KSR2: variants seen among roughly 807,000 people sequenced by gnomAD.
KSR2 encodes kinase suppressor of ras 2.
In KSR2, 25 loss-of-function variants were observed where a neutral mutation model predicts 107.8. The ratio of observed to expected loss-of-function variants is 0.23; its 90% CI spans 0.17 to 0.32. The LOEUF (loss-of-function observed/expected upper bound fraction) is 0.32, where lower values mean the gene tolerates loss of function less well. Ranked by LOEUF, KSR2 falls within the 10% of genes least tolerant of loss-of-function variation. KSR2 has a pLI of 1.00. For synonymous variants in KSR2, 480 were observed against 507.0 expected (o/e 0.95, Z 0.71); for missense variants, 887 against 1,268.9 (o/e 0.70, Z 4.57).
intron 4 of KSR2, among the ~76,000 whole-genome samples, chr12:117,718,237 T>C (rs944527095): frequency 6.6e-6 from 1 of 152,222 alleles, no homozygotes; most frequent in Admixed American, 6.5e-5. Context: ...AACTAGATTA[T>C]GAATTAAATA....
intron 5 of KSR2, among the ~76,000 whole-genome samples, chr12:117,654,455 C>T (rs114499063): frequency 1.7e-3 from 257 of 152,266 alleles, no homozygotes; most frequent in African/African-American, 5.8e-3. Flanking sequence ...GCACAATACG[C>T]GGGCACCACC....
intron 17 of KSR2, among the ~76,000 whole-genome samples, chr12:117,474,087 C>G (rs1871632784): frequency 6.6e-6 from 1 of 152,152 alleles, no homozygotes. Context: ...AGAGCCGGGT[C>G]CTTCGGAATT....
chr12:117,895,615 A>G (rs1443447323), intron 1 of KSR2, among the ~76,000 whole-genome samples: 1 of 152,116 alleles, frequency 6.6e-6, no homozygotes, highest in Non-Finnish European at 1.5e-5. Flanking sequence ...TGAATGCAGA[A>G]CCCTCCTGCA....
intron 1 of KSR2, among the ~76,000 whole-genome samples, chr12:117,958,703 C>G (rs2137597831): frequency 6.6e-6 from 1 of 152,250 alleles, no homozygotes; most frequent in South Asian, 2.1e-4. Context: ...CGCCTGTAAT[C>G]CCAGCTACTC....
intron 4 of KSR2, among the ~76,000 whole-genome samples, chr12:117,676,996 C>G (rs1885159389): frequency 6.6e-6 from 1 of 152,140 alleles, no homozygotes. Context: ...ATGACACTGA[C>G]AAGTGGAGAA....
intron 5 of KSR2, among the ~76,000 whole-genome samples, chr12:117,640,129 C>G (rs1565939618): frequency 6.6e-6 from 1 of 152,190 alleles, no homozygotes; most frequent in Non-Finnish European, 1.5e-5. Flanking sequence ...TCATGGCCAA[C>G]TGACGGGTGG....
chr12:117,513,799 A>G (rs1874188275), intron 14 of KSR2, among the ~76,000 whole-genome samples: 1 of 152,204 alleles, frequency 6.6e-6, no homozygotes, highest in Admixed American at 6.5e-5. Context: ...CTAGCTTATG[A>G]CCTTGGGCAA....
intron 5 of KSR2, among the ~76,000 whole-genome samples, chr12:117,607,641 G>A (rs925214219): frequency 1.1e-4 from 15 of 141,450 alleles, no homozygotes; most frequent in South Asian, 7.2e-4. Context: ...CAGACCTCCC[G>A]GAGAGGGGAG....
At chr12:117,826,832 C>T (rs1566034898) in intron 3 of KSR2, among the ~76,000 whole-genome samples, 1 of 152,016 alleles carries the variant, frequency 6.6e-6, no homozygotes, top group Non-Finnish European at 1.5e-5. Flanking sequence ...TGCCTGTAAT[C>T]CCAGCAATTT....
At position 117,731,446 on chromosome 12, in the gene KSR2, C is replaced by T. The variant is rs372301825; in HGVS notation, c.986+29565G>A. Among the ~76,000 whole-genome samples, 19 of 137,538 alleles carry T rather than the reference C, an allele frequency of 1.4e-4. No individual in the cohort carries two copies. In the East Asian group the frequency reaches 3.0e-3, roughly 22 times the overall value. The allele number at this position is 137,538 out of a possible 152,430, so 90.2% of individuals were successfully genotyped here. A position where few individuals can be genotyped will look rare whatever the true frequency, so the allele number is the denominator to read the frequency against. On this transcript the variant is annotated intron_variant, in intron 4 of 19. Transcript: ENST00000339824. ...GGCAGCCCCCGCCCAGCCACCGCCC[C>T]GTCCGGGAGGTGGGGGGCGCCTCTG...
At chr12:117,629,398 GA>G (rs933743934) in intron 5 of KSR2, among the ~76,000 whole-genome samples, 45 of 151,752 alleles carry the variant, frequency 3.0e-4, no homozygotes, top group Middle Eastern at 6.8e-3. Flanking sequence ...ATACATTACA[GA>G]AAAAAAAGGT....
At chr12:117,863,921 C>A (rs1456688016) in intron 1 of KSR2, among the ~76,000 whole-genome samples, 3 of 152,130 alleles carry the variant, frequency 2.0e-5, no homozygotes, top group African/African-American at 7.2e-5. Context: ...TTATACAGAC[C>A]CTTGCAATGA....
In KSR2 at chr12:117,462,571, A is replaced by C. The variant is rs1870957596; in HGVS notation, c.*4628T>G. ...TCAGGGGGAACATGGCCCTGCTAAC[A>C]CTTTGATTTTGGACTTCTGGCATCC... On this transcript the variant is annotated 3_prime_UTR_variant, in exon 20 of 20. Coordinates refer to ENST00000339824, the MANE Select transcript of KSR2 (RefSeq NM_173598.6). The C allele has an allele frequency of 6.6e-6, 1 of 152,156 alleles. No homozygotes were observed. Among genetic ancestry groups the C allele is most frequent in the African/African-American group, 2.4e-5 (1 of 41,426 alleles). 9.4% of individuals were successfully genotyped at this position (152,156 alleles called of 1,614,324 possible).
intron 19 of KSR2, among the ~76,000 whole-genome samples, chr12:117,468,568 T>C (rs985839492): frequency 6.6e-6 from 1 of 152,182 alleles, no homozygotes; most frequent in African/African-American, 2.4e-5. Context: ...ACATCTGCTC[T>C]TCAGGACGCC....
intron 5 of KSR2, among the ~76,000 whole-genome samples, chr12:117,623,012 G>A (rs1041000103): frequency 5.3e-5 from 8 of 152,194 alleles, no homozygotes; most frequent in Non-Finnish European, 7.3e-5. Context: ...TTAACAGTCA[G>A]AGCTGACATG....
intron 4 of KSR2, among the ~76,000 whole-genome samples, chr12:117,719,646 C>T (rs1368882630): frequency 6.6e-6 from 1 of 152,186 alleles, no homozygotes; most frequent in East Asian, 1.9e-4. Flanking sequence ...ATGTCAGTTG[C>T]CATTTGTCAT....
chr12:117,572,874 A>C (rs1878987851), intron 7 of KSR2, among the ~76,000 whole-genome samples: 1 of 152,136 alleles, frequency 6.6e-6, no homozygotes, highest in Non-Finnish European at 1.5e-5. Context: ...TTGTGGAAGG[A>C]CCCTGAGAAG....
intron 1 of KSR2, among the ~76,000 whole-genome samples, chr12:117,867,455 T>C (rs1022696814): frequency 6.6e-6 from 1 of 152,188 alleles, no homozygotes; most frequent in African/African-American, 2.4e-5. Context: ...ACCCCTCCTG[T>C]GTCCATACCC....
At chr12:117,953,381 A>G (rs1314002011) in intron 1 of KSR2, among the ~76,000 whole-genome samples, 1 of 152,248 alleles carries the variant, frequency 6.6e-6, no homozygotes, top group Non-Finnish European at 1.5e-5. Context: ...CATACCAGTG[A>G]TCATAGCAGT....
Sources: allele counts gnomAD v4.1 joint callset (sites outside exome capture counted in the v4.1 genomes callset), GRCh38; gene constraint gnomAD v4.1.1; transcripts MANE v1.5; gene names NCBI Gene and HGNC (gene_info 2026-07-23, HGNC 2026-07-21).